The following MAST3 variants were observed in gnomAD, a reference collection of about 807,000 sequenced individuals.
MAST3 encodes microtubule associated serine/threonine kinase 3.
A neutral mutation model predicts 127.0 loss-of-function variants in MAST3; 43 were observed. That is an observed-to-expected ratio of 0.34 (90% CI 0.27 to 0.44). The LOEUF is 0.44. Ranked by LOEUF, MAST3 falls within the 20% of genes least tolerant of loss-of-function variation. The pLI is 1.00. For synonymous variants in MAST3, 785 were observed against 809.2 expected, an observed-to-expected ratio of 0.97 and a Z score of 0.51; for missense variants, 1,390 against 1,919.1, an observed-to-expected ratio of 0.72 and a Z score of 5.15.
At chr19:18,120,230 T>C (rs1040665148) in intron 3 of MAST3, among the ~76,000 whole-genome samples, 1 of 152,034 alleles carries the variant, frequency 6.6e-6, no homozygotes, top group Admixed American at 6.6e-5. Context: ...TTGGGTCACA[T>C]TGGCATTTTA....
chr19:18,134,549 G>A (rs1324607641), intron 15 of MAST3, 30 bp from the exon 16 acceptor site: 3 of 1,590,156 alleles, frequency 1.9e-6, no homozygotes, highest in South Asian at 2.3e-5. Flanking sequence ...CAGCCCCCCA[G>A]CTCTGAGCAC....
rs768179239 is a variant in MAST3 at position 18,124,297 on chromosome 19, C to T, written c.876C>T (p.Ser292=). ...AGCGTTCGGACAGTGAGGAGGTCAG[C>T]TTCATCGTCCAGCTTGTCCGGAAAC... The part of the protein sequence containing the change: ...AHERSDSEEV[S]FIVQLVRKLL... Residue 292 remains serine, a synonymous_variant, in exon 10 of 28, where the codon AGC becomes AGT. Coordinates refer to ENST00000687212, the MANE Select transcript of MAST3 (RefSeq NM_001393504.1). 1.9e-6 allele frequency: 3 copies of T among 1,609,394 alleles called. No homozygotes were observed. Among genetic ancestry groups the T allele is most frequent in the Non-Finnish European group, 2.5e-6 (3 of 1,177,798 alleles).
At position 18,127,111 on chromosome 19, in the gene MAST3, G is replaced by A. The variant is rs550326605; in HGVS notation, c.1079-1289G>A. ...AAGTATTTTTAAAAATTAGCCAGGC[G>A]TGGCGGTGAATGCCTGTAGTCCCAC... On this transcript the variant is annotated intron_variant, in intron 11 of 27. Transcript: ENST00000687212. 9.2e-5 allele frequency among the ~76,000 whole-genome samples: 14 copies of A among 151,580 alleles called. 1 individual carries two copies. In the South Asian group the frequency reaches 1.0e-3, roughly 11 times the overall value.
intron 1 of MAST3, among the ~76,000 whole-genome samples, chr19:18,106,144 A>G (rs561914171): frequency 6.6e-6 from 1 of 152,182 alleles, no homozygotes; most frequent in South Asian, 2.1e-4. Flanking sequence ...CTAGAGTGCA[A>G]TGGTATTATC....
chr19:18,142,534 TAG>T (rs1191152382), intron 21 of MAST3, among the ~76,000 whole-genome samples: 1 of 151,874 alleles, frequency 6.6e-6, no homozygotes, highest in Non-Finnish European at 1.5e-5. Context: ...ATATTTTTAG[TAG>T]AGACGGGGTT....
At chr19:18,119,684 A>G (rs1290816444) in intron 3 of MAST3, among the ~76,000 whole-genome samples, 7 of 152,334 alleles carry the variant, frequency 4.6e-5, no homozygotes, top group African/African-American at 7.2e-5. Context: ...AAAGCTGAGC[A>G]CTGGATGTGG....
rs2038455839 is a variant in MAST3, at chr19:18,110,406, A to G, written c.72-246A>G. 1 of 985,442 alleles carries G rather than the reference A, an allele frequency of 1.0e-6. No individual in the cohort carries two copies. Among genetic ancestry groups the G allele is most frequent in the Non-Finnish European group, 1.2e-6 (1 of 829,880 alleles). The allele number at this position is 985,442 out of a possible 1,614,324, so 61.0% of individuals were successfully genotyped here. ...GGGCGGGGGTATGCGGGGTGCAGGG[A>G]GGACAGGATGACAACTACCCTCCCC... On this transcript the variant is annotated intron_variant, in intron 2 of 27. Transcript: ENST00000687212. The surrounding 1 kb of genome is among the most constrained non-coding windows in gnomAD (Gnocchi z 4.3).
chr19:18,133,640 G>T (rs941762180), intron 15 of MAST3, among the ~76,000 whole-genome samples: 1 of 140,570 alleles, frequency 7.1e-6, no homozygotes, highest in African/African-American at 2.7e-5. Context: ...TGCAACCTCA[G>T]AGTCCCTGGT....
intron 3 of MAST3, chr19:18,118,023 G>T: frequency 1.3e-6 from 1 of 769,444 alleles, no homozygotes; most frequent in Non-Finnish European, 1.6e-6. Context: ...GGGGGCGCGC[G>T]CTTCCTTCTC....
rs1361473432 is a variant in MAST3, at chr19:18,146,912, C to G, written c.3194C>G (p.Ala1065Gly). The change falls in exon 26 of 28, where the codon GCC becomes GGC. Residue 1065 changes from alanine to glycine, a missense_variant. Coordinates refer to ENST00000687212, the MANE Select transcript of MAST3 (RefSeq NM_001393504.1). ...AACAAGATATCCCTGCGGACCACAG[C>G]CCTGGAGAACACCTCCATCAAGGTG... ...SGNKISLRTT[A>G]LENTSIKVGP... 1 of 1,557,190 alleles carries G rather than the reference C, an allele frequency of 6.4e-7. No homozygotes were observed. The highest frequency in any genetic ancestry group is 2.4e-5 in the East Asian group (1 of 41,414).
chr19:18,141,989 T>C lies in MAST3; in HGVS notation c.2313T>C (p.Tyr771=). The part of the protein sequence containing the change: ...EEGWERSEVD[Y]GRRLSADIRL... ...GGTGGGAGCGCAGCGAAGTGGACTA[T>C]GGCCGCCGGCTGAGTGCTGACATCC... Residue 771 remains tyrosine (Y), a synonymous_variant, in exon 21 of 28, where the codon TAT becomes TAC. Coordinates refer to ENST00000687212, the MANE Select transcript of MAST3 (RefSeq NM_001393504.1). 1 of 1,523,284 alleles carries C rather than the reference T, an allele frequency of 6.6e-7. No individual in the cohort carries two copies. The highest frequency in any genetic ancestry group is 8.9e-7 in the Non-Finnish European group (1 of 1,127,646). 94.4% of individuals were successfully genotyped at this position (1,523,284 alleles called of 1,614,324 possible). A position where few individuals can be genotyped will look rare whatever the true frequency, so the allele number is the denominator to read the frequency against.
chr19:18,134,117 C>T (rs1218733884), intron 15 of MAST3, among the ~76,000 whole-genome samples: 3 of 151,992 alleles, frequency 2.0e-5, no homozygotes. Context: ...CAATTCTGTG[C>T]CGGCACTTTG....
chr19:18,136,709 G>A (rs1367854608), intron 18 of MAST3, among the ~76,000 whole-genome samples: 1 of 152,114 alleles, frequency 6.6e-6, no homozygotes, highest in African/African-American at 2.4e-5. Flanking sequence ...TTACAGGCAT[G>A]AGCCACCATG....
In MAST3 at chr19:18,121,218, C is replaced by T. The variant is rs2039942381; in HGVS notation, c.162-467C>T. ...TCACCTAGGCTGGAGTGCTGTGGCA[C>T]CATCATGGCTCACGGCAGCCTTGAC... On this transcript the variant is annotated intron_variant, in intron 3 of 27. Transcript: ENST00000687212. 3.3e-5 allele frequency among the ~76,000 whole-genome samples: 5 copies of T among 152,010 alleles called. No individual in the cohort carries two copies. The South Asian group carries it at 1.0e-3, about 32-fold the overall frequency.
chr19:18,149,265 C>T lies in MAST3; in HGVS notation c.3583C>T (p.Arg1195Cys), dbSNP rs766642479. 1.4e-5 allele frequency: 21 copies of T among 1,550,640 alleles called. No individual in the cohort carries two copies. Among genetic ancestry groups the T allele is most frequent in the Admixed American group, 9.6e-5 (5 of 52,182 alleles). ...PASPAAAGHT[R>C]PSSLHGLAAK... ...CTCCCCAGCTGCTGCTGGCCACACC[C>T]GCCCCAGCTCCCTGCACGGCCTGGC... Residue 1195 changes from arginine (R) to cysteine (C), a missense_variant, in exon 28 of 28, where the codon CGC (arginine) becomes TGC (cysteine). Physicochemically the swap from Arg to Cys is radical, Grantham distance 180. Transcript: ENST00000687212. The surrounding 1 kb of genome is among the most constrained non-coding windows in gnomAD (Gnocchi z 5.9).
intron 20 of MAST3, among the ~76,000 whole-genome samples, chr19:18,141,139 C>G (rs2042428299): frequency 6.6e-6 from 1 of 152,016 alleles, no homozygotes; most frequent in Admixed American, 6.6e-5. Context: ...ACATTCCCTA[C>G]TTTTTTTATG....
intron 11 of MAST3, 104 bp downstream of exon 11, chr19:18,124,878 G>A (rs2040406086): frequency 1.4e-6 from 2 of 1,413,922 alleles, no homozygotes; most frequent in African/African-American, 1.4e-5. Context: ...AGCTAAGGCG[G>A]GCAGATCACT....
intron 1 of MAST3, among the ~76,000 whole-genome samples, chr19:18,098,391 C>T (rs910923112): frequency 6.6e-6 from 1 of 152,136 alleles, no homozygotes; most frequent in Non-Finnish European, 1.5e-5. Context: ...CCTCAACCAG[C>T]TCTCTTACGG....
chr19:18,121,936 G>A lies in MAST3; in HGVS notation c.320+14G>A, dbSNP rs779165938. Reference sequence around the variant, plus strand: ...CTTTGCCCGGAGGTGAGTGATTGCCGGCTTTGGGAGACAGTGCGGGCACCA... The same window carrying A: ...CTTTGCCCGGAGGTGAGTGATTGCCAGCTTTGGGAGACAGTGCGGGCACCA... On this transcript the variant is annotated intron_variant, in intron 5 of 27. Transcript: ENST00000687212. 44 of 1,613,848 alleles carry A rather than the reference G, an allele frequency of 2.7e-5. No homozygotes were observed. The highest frequency in any genetic ancestry group is 4.0e-5 in the African/African-American group (3 of 74,930).
Sources: allele counts gnomAD v4.1 joint callset (sites outside exome capture counted in the v4.1 genomes callset), GRCh38; gene constraint gnomAD v4.1.1; non-coding constraint Gnocchi (gnomAD v3.1); transcripts MANE v1.5; gene names NCBI Gene and HGNC (gene_info 2026-07-23, HGNC 2026-07-21).